Variants in PKNOX2 observed in about 807,000 individuals in gnomAD.
PKNOX2 encodes PBX/knotted 1 homeobox 2, also known as homeobox protein PKNOX2.
Under a neutral mutation model 53.1 loss-of-function variants are expected in PKNOX2, and 14 were observed. The ratio of observed to expected loss-of-function variants is 0.26; its 90% confidence interval spans 0.17 to 0.41. The LOEUF (loss-of-function observed/expected upper bound fraction) is 0.41. Ranked by LOEUF, PKNOX2 falls within the 10% of genes least tolerant of loss-of-function variation. PKNOX2 has a pLI of 1.00. For synonymous variants in PKNOX2, 257 were observed against 242.8 expected (o/e 1.06, Z -0.54); for missense variants, 496 against 602.8 (o/e 0.82, Z 1.85).
chr11:125,376,229 G>A (rs758766115), intron 5 of PKNOX2, among the ~76,000 whole-genome samples: 58 of 152,218 alleles, frequency 3.8e-4, no homozygotes, highest in Non-Finnish European at 5.1e-4. Flanking sequence ...AGCTCTGACA[G>A]ATGCAGCTCC....
intron 3 of PKNOX2, among the ~76,000 whole-genome samples, chr11:125,345,281 A>C (rs548452930): frequency 2.4e-4 from 36 of 152,198 alleles, no homozygotes; most frequent in Non-Finnish European, 4.4e-4. Flanking sequence ...TTTTTGAAAC[A>C]TTTCAACACA....
intron 5 of PKNOX2, among the ~76,000 whole-genome samples, chr11:125,375,623 T>C (rs946500442): frequency 3.3e-5 from 5 of 152,160 alleles, no homozygotes; most frequent in Admixed American, 6.5e-5. Flanking sequence ...AATAAGCACA[T>C]ATAAGAGCAC....
At chr11:125,260,231 C>T (rs1944738523) in intron 2 of PKNOX2, among the ~76,000 whole-genome samples, 1 of 152,046 alleles carries the variant, frequency 6.6e-6, no homozygotes, top group Non-Finnish European at 1.5e-5. Flanking sequence ...TGAAGTCTCG[C>T]TCTGTCACCC....
chr11:125,404,237 G>A (rs923773351), intron 7 of PKNOX2, among the ~76,000 whole-genome samples: 9 of 152,224 alleles, frequency 5.9e-5, no homozygotes, highest in African/African-American at 1.4e-4. Context: ...CTCTTCTGCC[G>A]GTTCCTCACC....
chr11:125,395,410 T>C (rs939763571), intron 6 of PKNOX2, among the ~76,000 whole-genome samples: 1 of 152,238 alleles, frequency 6.6e-6, no homozygotes, highest in African/African-American at 2.4e-5. Flanking sequence ...TAAGAACATA[T>C]GTTTTTATTT....
At position 125,165,171 on chromosome 11, in the gene PKNOX2, C is replaced by G. The variant is rs1451311738; in HGVS notation, c.-201+395C>G. ...CCCGCCGCCGCCGCCGCCGCCGCCT[C>G]GCCGCGCTTGGGCCCGTGGCCGGCC... On this transcript the variant is annotated intron_variant, in intron 1 of 12. Coordinates refer to ENST00000298282, the MANE Select transcript of PKNOX2 (RefSeq NM_001382323.2). The surrounding 1 kb of genome is among the most constrained non-coding windows in gnomAD (Gnocchi z 4.5). 6.7e-6 allele frequency among the ~76,000 whole-genome samples: 1 copy of G among 149,790 alleles called. No homozygotes were observed. The highest frequency in any genetic ancestry group is 1.5e-5 in the Non-Finnish European group (1 of 67,324).
intron 2 of PKNOX2, 85 bp downstream of exon 2, chr11:125,235,200 C>T (rs533569210): frequency 4.0e-4 from 61 of 152,746 alleles, no homozygotes; most frequent in African/African-American, 1.4e-3. Context: ...CTTTAACAGC[C>T]ATGCATTGTG....
chr11:125,370,794 G>T lies in PKNOX2; in HGVS notation c.227+2809G>T, dbSNP rs1470451114. On this transcript the variant is annotated intron_variant, in intron 5 of 12. Transcript: ENST00000298282. This position sits in a 1 kb window ranked among gnomAD's most constrained non-coding sequence, Gnocchi z 4.1. ...CGGGTAATTTTAATTAGATTTGCCT[G>T]CCTGGGGCAGCCTGGCTGCTCCAAA... 6.6e-6 allele frequency among the ~76,000 whole-genome samples: 1 copy of T among 152,258 alleles called. No individual in the cohort carries two copies. The highest frequency in any genetic ancestry group is 2.4e-5 in the African/African-American group (1 of 41,482).
At chr11:125,291,292 T>C (rs1277464045) in intron 2 of PKNOX2, among the ~76,000 whole-genome samples, 1 of 152,132 alleles carries the variant, frequency 6.6e-6, no homozygotes, top group Non-Finnish European at 1.5e-5. Context: ...TTGAGTACCA[T>C]GGGGAGTGGT....
intron 2 of PKNOX2, among the ~76,000 whole-genome samples, chr11:125,265,866 G>A (rs374472681): frequency 5.3e-5 from 8 of 152,140 alleles, no homozygotes; most frequent in African/African-American, 7.2e-5. Flanking sequence ...TCTCCTCACC[G>A]TCTAAACTCT....
chr11:125,236,786 G>T (rs1942734987), intron 2 of PKNOX2, among the ~76,000 whole-genome samples: 1 of 152,342 alleles, frequency 6.6e-6, no homozygotes, highest in African/African-American at 2.4e-5. Flanking sequence ...AGGAGACGGG[G>T]AGGCAGGCTC....
At chr11:125,192,222 T>C (rs932818387) in intron 1 of PKNOX2, among the ~76,000 whole-genome samples, 2 of 152,058 alleles carry the variant, frequency 1.3e-5, no homozygotes. Context: ...TTCATACATC[T>C]CACTGATGTG....
chr11:125,245,198 G>A (rs115378094), intron 2 of PKNOX2, among the ~76,000 whole-genome samples: 2,318 of 152,210 alleles, frequency 0.015, 59 homozygotes, highest in African/African-American at 0.053. Flanking sequence ...CTTCCCTTAT[G>A]CCATGTGATC....
intron 6 of PKNOX2, among the ~76,000 whole-genome samples, chr11:125,393,114 C>T (rs868270182): frequency 3.4e-5 from 5 of 147,992 alleles, no homozygotes; most frequent in Non-Finnish European, 7.4e-5. Context: ...GAGTCGAGAT[C>T]GCGCCACTGC....
intron 3 of PKNOX2, among the ~76,000 whole-genome samples, chr11:125,349,866 C>CAT (rs1198360289): frequency 6.7e-6 from 1 of 149,200 alleles, no homozygotes; most frequent in Non-Finnish European, 1.5e-5. Context: ...CACACACACA[C>CAT]ACACACACAC....
At chr11:125,409,457 C>T (rs1048400254) in intron 7 of PKNOX2, among the ~76,000 whole-genome samples, 1 of 152,136 alleles carries the variant, frequency 6.6e-6, no homozygotes, top group African/African-American at 2.4e-5. Context: ...AGGATCGATG[C>T]CATGTGCCGA....
In PKNOX2 at chr11:125,189,381, A is replaced by G. The variant is rs1481084213; in HGVS notation, c.-201+24605A>G. ...TATATATATATATGTATATATATAT[A>G]TGTGTGTATATATATATGTGTGTAT... On this transcript the variant is annotated intron_variant, in intron 1 of 12. Transcript: ENST00000298282. Among the ~76,000 whole-genome samples the G allele has an allele frequency of 2.0e-3, 263 of 133,534 alleles. 1 individual carries two copies. Among genetic ancestry groups the G allele is most frequent in the Non-Finnish European group, 3.2e-3 (203 of 62,712 alleles). The allele number at this position is 133,534 out of a possible 152,430, so 87.6% of individuals were successfully genotyped here.
intron 5 of PKNOX2, among the ~76,000 whole-genome samples, chr11:125,371,262 G>T (rs1374975485): frequency 6.6e-6 from 1 of 152,158 alleles, no homozygotes; most frequent in Non-Finnish European, 1.5e-5. Flanking sequence ...TTGTGTTTGT[G>T]GCCCAGGAGC....
chr11:125,239,890 G>T (rs1943014591), intron 2 of PKNOX2, among the ~76,000 whole-genome samples: 2 of 152,210 alleles, frequency 1.3e-5, no homozygotes, highest in Non-Finnish European at 2.9e-5. Context: ...AGCTTAATTG[G>T]TGTGATTTAA....
Sources: allele counts gnomAD v4.1 joint callset (sites outside exome capture counted in the v4.1 genomes callset), GRCh38; gene constraint gnomAD v4.1.1; non-coding constraint Gnocchi (gnomAD v3.1); transcripts MANE v1.5; gene names NCBI Gene and HGNC (gene_info 2026-07-23, HGNC 2026-07-21).